The following L3MBTL4 variants were observed in gnomAD, a reference collection of about 807,000 sequenced individuals.
The protein encoded by L3MBTL4 is lethal(3)malignant brain tumor-like protein 4.
A neutral mutation model predicts 84.5 loss-of-function variants in L3MBTL4; 70 were observed. The ratio of observed to expected loss-of-function variants is 0.83; its 90% CI spans 0.68 to 1.01. The LOEUF (loss-of-function observed/expected upper bound fraction) is 1.01, where lower values mean the gene tolerates loss of function less well. Ranked by LOEUF, L3MBTL4 falls within the 50% of genes least tolerant of loss-of-function variation. The pLI is 0.00. For missense variants in L3MBTL4, 715 were observed against 754.8 expected, an observed-to-expected ratio of 0.95 and a Z score of 0.62; for synonymous variants, 274 against 259.8, an observed-to-expected ratio of 1.05 and a Z score of -0.52.
At chr18:6,355,852 AAAC>A (rs1174386226) in intron 1 of L3MBTL4, among the ~76,000 whole-genome samples, 57 of 129,534 alleles carry the variant, frequency 4.4e-4, no homozygotes, top group Admixed American at 1.5e-3. Flanking sequence ...TAAAAAAAAA[AAAC>A]AAACAAAGCA....
intron 14 of L3MBTL4, among the ~76,000 whole-genome samples, chr18:6,136,358 T>A (rs183645568): frequency 3.4e-4 from 52 of 152,246 alleles, no homozygotes; most frequent in Admixed American, 2.4e-3. Context: ...TAAGGCCAAT[T>A]CACGCTGACT....
intron 15 of L3MBTL4, among the ~76,000 whole-genome samples, chr18:6,087,532 A>T (rs1389247630): frequency 6.6e-6 from 1 of 152,138 alleles, no homozygotes; most frequent in African/African-American, 2.4e-5. Flanking sequence ...CTGCTCTGAA[A>T]GGCCTTGGGA....
Position 6,221,059 on chromosome 18 carries a change from G to A in L3MBTL4, c.785-5224C>T, listed in dbSNP as rs141410592. On this transcript the variant is annotated intron_variant, in intron 10 of 18. Transcript: ENST00000317931. ...TCCATATTAGAAGGCCATGTAAGAA[G>A]GTGTAATACTGGTTTCAGATTTTTT... Among the ~76,000 whole-genome samples, 750 of 152,150 alleles carry A rather than the reference G, an allele frequency of 4.9e-3. 12 individuals are homozygous for A. The highest frequency in any genetic ancestry group is 0.017 in the African/African-American group (724 of 41,526).
chr18:6,346,386 T>C (rs1286596965), intron 1 of L3MBTL4, among the ~76,000 whole-genome samples: 1 of 151,696 alleles, frequency 6.6e-6, no homozygotes, highest in African/African-American at 2.4e-5. Context: ...AGGAAATCAA[T>C]CACCAAAATC....
intron 16 of L3MBTL4, among the ~76,000 whole-genome samples, chr18:6,014,642 T>C (rs34518850): frequency 0.049 from 7,495 of 151,556 alleles, 202 homozygotes; most frequent in South Asian, 0.075. Context: ...GAACAGAGAG[T>C]CCACATGGCT....
chr18:6,086,607 G>A (rs923478878), intron 15 of L3MBTL4, among the ~76,000 whole-genome samples: 10 of 152,046 alleles, frequency 6.6e-5, no homozygotes, highest in East Asian at 1.9e-4. Flanking sequence ...GAGCTGATCC[G>A]GGCACAACTC....
intron 16 of L3MBTL4, among the ~76,000 whole-genome samples, chr18:6,052,121 G>A (rs1051999459): frequency 6.6e-6 from 1 of 152,170 alleles, no homozygotes; most frequent in Non-Finnish European, 1.5e-5. Flanking sequence ...CAGCTCCAAA[G>A]GCTTTGTAAG....
intron 4 of L3MBTL4, among the ~76,000 whole-genome samples, chr18:6,274,442 T>C (rs1303955884): frequency 6.6e-6 from 1 of 152,118 alleles, no homozygotes; most frequent in African/African-American, 2.4e-5. Context: ...TTTCCATGAG[T>C]CTCCATCCTC....
chr18:6,404,264 CT>C (rs1358382759), intron 1 of L3MBTL4, among the ~76,000 whole-genome samples: 1 of 152,198 alleles, frequency 6.6e-6, no homozygotes, highest in Non-Finnish European at 1.5e-5. Flanking sequence ...TTAAAAGAGT[CT>C]GATTAAGTTG....
In L3MBTL4 at chr18:5,974,530, A is replaced by C. The variant is rs985956462; in HGVS notation, c.1445-4968T>G. Among the ~76,000 whole-genome samples, 4 of 152,190 alleles carry C rather than the reference A, an allele frequency of 2.6e-5. No individual in the cohort carries two copies. In the East Asian group the frequency reaches 7.7e-4, roughly 29 times the overall value. On this transcript the variant is annotated intron_variant, in intron 16 of 18. Coordinates refer to ENST00000317931, the MANE Select transcript of L3MBTL4 (RefSeq NM_001330559.2). ...AGAACGCCACAGCCAGGGGAAGGCCAATTTTTCCAGAGTGCCTGAGACAGC... is the reference window on the plus strand; with the variant it reads ...AGAACGCCACAGCCAGGGGAAGGCCCATTTTTCCAGAGTGCCTGAGACAGC...
chr18:6,377,438 C>T (rs1302921613), intron 1 of L3MBTL4, among the ~76,000 whole-genome samples: 1 of 152,114 alleles, frequency 6.6e-6, no homozygotes, highest in African/African-American at 2.4e-5. Context: ...CTGTCACATA[C>T]ATTAGGTATT....
At chr18:6,280,859 G>A (rs1262925967) in intron 4 of L3MBTL4, among the ~76,000 whole-genome samples, 1 of 152,114 alleles carries the variant, frequency 6.6e-6, no homozygotes, top group Non-Finnish European at 1.5e-5. Flanking sequence ...GCCAAGGAAT[G>A]CAAAAGCTGG....
intron 16 of L3MBTL4, among the ~76,000 whole-genome samples, chr18:6,038,167 C>T (rs1465599839): frequency 6.6e-6 from 1 of 150,650 alleles, no homozygotes; most frequent in Non-Finnish European, 1.5e-5. Flanking sequence ...AATATTGATG[C>T]AGATAAAATA....
intron 3 of L3MBTL4, among the ~76,000 whole-genome samples, chr18:6,307,971 T>C (rs141968826): frequency 3.9e-5 from 6 of 152,334 alleles, no homozygotes; most frequent in African/African-American, 1.4e-4. Context: ...CTGTATATTA[T>C]TTTGGGGTTT....
At chr18:5,998,879 C>T (rs1168434092) in intron 16 of L3MBTL4, among the ~76,000 whole-genome samples, 1 of 152,210 alleles carries the variant, frequency 6.6e-6, no homozygotes, top group Non-Finnish European at 1.5e-5. Flanking sequence ...CCTTCAGGCT[C>T]CTCTATTCCA....
intron 1 of L3MBTL4, among the ~76,000 whole-genome samples, chr18:6,329,432 C>A (rs960247765): frequency 1.3e-5 from 2 of 152,130 alleles, no homozygotes; most frequent in South Asian, 2.1e-4. Flanking sequence ...GGATTACAGG[C>A]CTGAGCCACC....
intron 1 of L3MBTL4, among the ~76,000 whole-genome samples, chr18:6,372,800 A>G (rs2054209418): frequency 6.6e-6 from 1 of 152,210 alleles, no homozygotes; most frequent in Admixed American, 6.5e-5. Context: ...ATTTTTCTTT[A>G]AAAACAAAAA....
chr18:6,390,305 CA>C (rs2054992103), intron 1 of L3MBTL4, among the ~76,000 whole-genome samples: 1 of 152,024 alleles, frequency 6.6e-6, no homozygotes. Context: ...CACAAGTTAT[CA>C]AAACTTCTGG....
intron 18 of L3MBTL4, 73 bp downstream of exon 18, chr18:5,960,007 CATACATATATATAT>C (rs1320797234): frequency 2.0e-5 from 4 of 202,940 alleles, no homozygotes; most frequent in East Asian, 1.5e-4. Flanking sequence ...TATAGAAATA[CATACATATATATAT>C]ATACATATAT....
Sources: allele counts gnomAD v4.1 joint callset (sites outside exome capture counted in the v4.1 genomes callset), GRCh38; gene constraint gnomAD v4.1.1; transcripts MANE v1.5; gene names NCBI Gene and HGNC (gene_info 2026-07-23, HGNC 2026-07-21).